Variants in ARHGAP32 observed in about 807,000 individuals in gnomAD.
ARHGAP32 encodes rho GTPase-activating protein 32.
A neutral mutation model predicts 186.5 loss-of-function variants in ARHGAP32; 51 were observed. That is an observed-to-expected ratio of 0.27 (90% confidence interval 0.22 to 0.35). The LOEUF (loss-of-function observed/expected upper bound fraction) is 0.35. ARHGAP32 is among the 10% of genes least tolerant of loss of function. The pLI, the probability that ARHGAP32 is intolerant of heterozygous loss-of-function variation, is 1.00. For missense variants in ARHGAP32, 2,186 were observed against 2,623.5 expected (o/e 0.83, Z 3.64); for synonymous variants, 950 against 964.3 (o/e 0.99, Z 0.27).
At chr11:129,010,444 T>C (rs993756626) in intron 11 of ARHGAP32, among the ~76,000 whole-genome samples, 1 of 152,228 alleles carries the variant, frequency 6.6e-6, no homozygotes, top group African/African-American at 2.4e-5. Flanking sequence ...TTTAAGTTTT[T>C]AATCCATCTT....
rs1002517481 is a variant in ARHGAP32, at chr11:128,969,794, G to A, written c.5419C>T (p.Arg1807Cys). 8.7e-6 allele frequency: 14 copies of A among 1,613,974 alleles called. No individual in the cohort carries two copies. Among genetic ancestry groups the A allele is most frequent in the African/African-American group, 1.3e-5 (1 of 74,896 alleles). ...DLGGIYVIHL[R>C]SKSDPGKTGL... ...GTTTTCCCAGGATCTGATTTACTACGCAGATGGATGACATAGATCCCACCC... is the reference window on the plus strand; with the variant it reads ...GTTTTCCCAGGATCTGATTTACTACACAGATGGATGACATAGATCCCACCC... The change falls in exon 23 of 23, where the codon CGT becomes TGT. Residue 1807 changes from arginine (R) to cysteine (C), a missense_variant. Transcript: ENST00000682385. This position sits in a 1 kb window ranked among gnomAD's most constrained non-coding sequence, Gnocchi z 4.8.
intron 1 of ARHGAP32, among the ~76,000 whole-genome samples, chr11:129,207,266 G>A (rs923039769): frequency 5.3e-5 from 8 of 152,140 alleles, no homozygotes; most frequent in Non-Finnish European, 7.3e-5. Flanking sequence ...TAATGGGATC[G>A]TTGAGTCAAA....
At chr11:129,195,916 GT>G (rs1301060572), upstream of ARHGAP32, among the ~76,000 whole-genome samples, 1 of 151,356 alleles carries the variant, frequency 6.6e-6, no homozygotes, top group African/African-American at 2.5e-5. Context: ...CCACAAGGTG[GT>G]TTTAACTCCT....
intron 12 of ARHGAP32, among the ~76,000 whole-genome samples, chr11:128,991,271 G>GT (rs1342760732): frequency 1.3e-5 from 2 of 152,114 alleles, no homozygotes; most frequent in Non-Finnish European, 2.9e-5. Context: ...TGTTCCCTGA[G>GT]TAGAAGGACT....
chr11:129,076,131 A>G (rs1045294648), intron 6 of ARHGAP32, among the ~76,000 whole-genome samples: 9 of 152,218 alleles, frequency 5.9e-5, no homozygotes, highest in Admixed American at 6.5e-5. Context: ...TACAAATGAG[A>G]TAACAACGTC....
intron 6 of ARHGAP32, among the ~76,000 whole-genome samples, chr11:129,089,299 AAAAC>A (rs1305852708): frequency 6.6e-6 from 1 of 152,248 alleles, no homozygotes; most frequent in Non-Finnish European, 1.5e-5. Context: ...TCTAGTGAGG[AAAAC>A]AAATACTTTT....
At chr11:129,164,568 C>CT in intron 1 of ARHGAP32, 141 bp from the exon 2 acceptor site, 2 of 571,206 alleles carry the variant, frequency 3.5e-6, no homozygotes, top group South Asian at 4.9e-5. Context: ...AGCAGTGATC[C>CT]TTTATTTCTA....
intron 2 of ARHGAP32, among the ~76,000 whole-genome samples, chr11:129,162,230 C>A (rs943370244): frequency 6.6e-6 from 1 of 152,050 alleles, no homozygotes; most frequent in Non-Finnish European, 1.5e-5. Context: ...ACCACCATGG[C>A]ACATGTATAC....
intron 1 of ARHGAP32, among the ~76,000 whole-genome samples, chr11:129,207,195 AAC>A (rs1944525315): frequency 6.6e-6 from 1 of 152,144 alleles, no homozygotes; most frequent in Non-Finnish European, 1.5e-5. Flanking sequence ...TGCTATTGTG[AAC>A]AGTGTTGCAA....
At chr11:129,056,194 G>C (rs997902114) in intron 10 of ARHGAP32, among the ~76,000 whole-genome samples, 1 of 152,134 alleles carries the variant, frequency 6.6e-6, no homozygotes, top group Non-Finnish European at 1.5e-5. Context: ...ATAGGTGAGG[G>C]GAGTGGGCAG....
intron 1 of ARHGAP32, among the ~76,000 whole-genome samples, chr11:129,185,287 G>T (rs923918562): frequency 5.9e-5 from 9 of 152,070 alleles, no homozygotes; most frequent in Admixed American, 6.6e-5. Context: ...AAATGATGAG[G>T]TCATGTCCTT....
intron 1 of ARHGAP32, among the ~76,000 whole-genome samples, chr11:129,235,293 C>T (rs1396133038): frequency 6.6e-6 from 1 of 152,144 alleles, no homozygotes; most frequent in Non-Finnish European, 1.5e-5. Context: ...GCCACGAGCT[C>T]TACCTGGTCT....
At chr11:129,265,271 T>C (rs1431311099) in intron 1 of ARHGAP32, among the ~76,000 whole-genome samples, 1 of 152,140 alleles carries the variant, frequency 6.6e-6, no homozygotes, top group Non-Finnish European at 1.5e-5. Context: ...GCACTCAAAG[T>C]AAAACCTTGA....
chr11:129,095,579 A>AG (rs1941707405), intron 5 of ARHGAP32, among the ~76,000 whole-genome samples: 1 of 152,190 alleles, frequency 6.6e-6, no homozygotes, highest in Non-Finnish European at 1.5e-5. Context: ...CTTGACTGGG[A>AG]GCAGGGCAGT....
At chr11:129,199,002 C>T (rs534976321) in intron 1 of ARHGAP32, among the ~76,000 whole-genome samples, 32 of 152,128 alleles carry the variant, frequency 2.1e-4, no homozygotes, top group Non-Finnish European at 4.3e-4. Context: ...GTGACCCTTG[C>T]TATGTTTTAG....
intron 1 of ARHGAP32, among the ~76,000 whole-genome samples, chr11:129,252,445 T>C (rs1945197969): frequency 6.6e-6 from 1 of 152,224 alleles, no homozygotes. Flanking sequence ...TCATTAAAGA[T>C]ATTTACTGAA....
chr11:129,124,881 T>A lies in ARHGAP32; in HGVS notation c.239A>T (p.Asp80Val). 6.2e-7 allele frequency: 1 copy of A among 1,609,290 alleles called. No individual in the cohort carries two copies. The highest frequency in any genetic ancestry group is 8.5e-7 in the Non-Finnish European group (1 of 1,177,936). Residue 80 changes from aspartate (D) to valine (V), a missense_variant, in exon 3 of 23, where the codon GAT becomes GTT. Asp to Val is a radical substitution (Grantham distance 152). This residue lies in a region of ARHGAP32 where 108 missense variants were observed against 116.8 expected (regional missense o/e 0.92). Transcript: ENST00000682385. ...AAGATCTCCAGGAATCTCTGGAACA[T>A]CTGCGCCTCTTGCCTTAAAAAATAA... ...ETLSAMARGADVPEIPGDLTL... is the reference protein window; with the variant it reads ...ETLSAMARGAVVPEIPGDLTL...
intron 2 of ARHGAP32, among the ~76,000 whole-genome samples, chr11:129,157,511 G>A (rs971506883): frequency 6.6e-5 from 10 of 151,874 alleles, no homozygotes; most frequent in African/African-American, 1.7e-4. Flanking sequence ...GAAATAAAGC[G>A]TGAAGACAAG....
At chr11:128,996,168 C>T (rs1245587587) in intron 12 of ARHGAP32, among the ~76,000 whole-genome samples, 1 of 152,066 alleles carries the variant, frequency 6.6e-6, no homozygotes, top group African/African-American at 2.4e-5. Flanking sequence ...ATTTCAAAAT[C>T]GCCTAAAGAT....
Sources: gnomAD v4.1 joint callset for allele counts (sites outside exome capture counted in the v4.1 genomes callset) on GRCh38, gnomAD v4.1.1 for gene constraint, gnomAD v4.1.1 regional missense constraint, Gnocchi (gnomAD v3.1) non-coding constraint, MANE v1.5 for transcripts, NCBI Gene and HGNC (gene_info 2026-07-23, HGNC 2026-07-21) for gene names.